The following FSIP1 variants were observed in gnomAD, a reference collection of about 807,000 sequenced individuals.
FSIP1 encodes fibrous sheath interacting protein 1.
In FSIP1, 65 loss-of-function variants were observed where a neutral mutation model predicts 60.9. That is an observed-to-expected ratio of 1.07 (90% confidence interval 0.87 to 1.31). The LOEUF is 1.31. FSIP1 is among the 40% of genes most tolerant of loss of function. FSIP1 has a pLI of 0.00. For missense variants in FSIP1, 675 were observed against 665.5 expected (o/e 1.01, Z -0.16); for synonymous variants, 209 against 221.2 (o/e 0.94, Z 0.49).
At position 39,674,118 on chromosome 15, in the gene FSIP1, G is replaced by A. The variant is rs566429737; in HGVS notation, c.1188+39326C>T. On this transcript the variant is annotated intron_variant, in intron 10 of 11. Coordinates refer to ENST00000350221, the MANE Select transcript of FSIP1 (RefSeq NM_152597.5). ...CGCCCAGGCTGGAGTGCAGTGGCGCGATCTCGGCTCACTGCAAGCTCCGCC... is the reference window on the plus strand; with the variant it reads ...CGCCCAGGCTGGAGTGCAGTGGCGCAATCTCGGCTCACTGCAAGCTCCGCC... Among the ~76,000 whole-genome samples the A allele has an allele frequency of 3.9e-3, 588 of 150,956 alleles. 4 individuals carry two copies. Among genetic ancestry groups the A allele is most frequent in the African/African-American group, 0.014 (560 of 41,012 alleles).
At chr15:39,711,835 C>T (rs1000240769) in intron 10 of FSIP1, among the ~76,000 whole-genome samples, 3 of 152,054 alleles carry the variant, frequency 2.0e-5, no homozygotes, top group African/African-American at 4.8e-5. Flanking sequence ...CGGGCGCACA[C>T]TGCCAAGCCC....
intron 9 of FSIP1, among the ~76,000 whole-genome samples, 183 bp from the exon 10 acceptor site, chr15:39,713,764 A>T (rs1895625280): frequency 1.3e-5 from 2 of 152,232 alleles, no homozygotes; most frequent in Admixed American, 1.3e-4. Context: ...CCAACTGTAC[A>T]TATAACAAGT....
intron 10 of FSIP1, among the ~76,000 whole-genome samples, chr15:39,632,829 C>A (rs994953405): frequency 6.6e-6 from 1 of 151,980 alleles, no homozygotes; most frequent in Admixed American, 6.6e-5. Context: ...GGAAGTCAGA[C>A]AAAATAATGA....
chr15:39,781,574 T>C (rs983654831), intron 1 of FSIP1, among the ~76,000 whole-genome samples: 3 of 152,132 alleles, frequency 2.0e-5, no homozygotes, highest in Admixed American at 1.3e-4. Context: ...CATCCAAATA[T>C]GCCTCAAGTA....
intron 3 of FSIP1, among the ~76,000 whole-genome samples, chr15:39,768,585 T>G (rs1359768363): frequency 1.3e-5 from 2 of 152,210 alleles, no homozygotes; most frequent in Admixed American, 1.3e-4. Context: ...GACAGGTGGA[T>G]TCTCATATTC....
chr15:39,692,033 CA>C (rs1461093679), intron 10 of FSIP1, among the ~76,000 whole-genome samples: 1 of 149,626 alleles, frequency 6.7e-6, no homozygotes, highest in Non-Finnish European at 1.5e-5. Flanking sequence ...TTAAGTGCTG[CA>C]AAAGGATTAT....
chr15:39,643,664 T>C (rs995554412), intron 10 of FSIP1, among the ~76,000 whole-genome samples: 6 of 152,192 alleles, frequency 3.9e-5, no homozygotes, highest in Admixed American at 2.0e-4. Context: ...TCTGGGGAAA[T>C]TGAGACAATG....
chr15:39,668,503 G>A (rs1261377793), intron 10 of FSIP1, among the ~76,000 whole-genome samples: 2 of 152,196 alleles, frequency 1.3e-5, no homozygotes, highest in African/African-American at 4.8e-5. Context: ...GCATTTTGCA[G>A]CTTGACTTCT....
chr15:39,736,822 G>A (rs1896626290), intron 8 of FSIP1, among the ~76,000 whole-genome samples: 1 of 152,200 alleles, frequency 6.6e-6, no homozygotes, highest in African/African-American at 2.4e-5. Flanking sequence ...TGTGGTCTCA[G>A]CTGAAGCTCA....
rs113454780 is a variant in FSIP1 at position 39,764,515 on chromosome 15, G to A, written c.466-601C>T. On this transcript the variant is annotated intron_variant, in intron 4 of 11. Transcript: ENST00000350221. ...CCCAGAAGTCAGTCAACTGTTCAAG[G>A]AGGACTTTATCAAAAATAACCAATC... Among the ~76,000 whole-genome samples, 1,049 of 152,230 alleles carry A rather than the reference G, an allele frequency of 6.9e-3. 8 individuals are homozygous for A. The highest frequency in any genetic ancestry group is 0.011 in the Non-Finnish European group (717 of 68,020).
intron 9 of FSIP1, among the ~76,000 whole-genome samples, chr15:39,713,985 T>C (rs905918709): frequency 6.6e-6 from 1 of 152,184 alleles, no homozygotes; most frequent in Admixed American, 6.5e-5. Context: ...AGCTGTGTAA[T>C]AATGGGAAGA....
chr15:39,692,072 T>G (rs1444419656), intron 10 of FSIP1, among the ~76,000 whole-genome samples: 2 of 152,200 alleles, frequency 1.3e-5, no homozygotes, highest in Non-Finnish European at 2.9e-5. Context: ...AAAAAAATTT[T>G]TAATGCTGAT....
chr15:39,623,294 A>G (rs930137689), intron 10 of FSIP1, among the ~76,000 whole-genome samples: 1 of 152,196 alleles, frequency 6.6e-6, no homozygotes, highest in Non-Finnish European at 1.5e-5. Context: ...GGTGCAGATA[A>G]TCAGAAAGTC....
At chr15:39,702,745 CTTAA>C (rs1392669914) in intron 10 of FSIP1, among the ~76,000 whole-genome samples, 1 of 151,158 alleles carries the variant, frequency 6.6e-6, no homozygotes, top group Non-Finnish European at 1.5e-5. Context: ...TATAATTATA[CTTAA>C]TTATATTCAC....
intron 10 of FSIP1, among the ~76,000 whole-genome samples, chr15:39,664,099 C>T (rs1386424854): frequency 6.6e-6 from 1 of 152,148 alleles, no homozygotes; most frequent in Non-Finnish European, 1.5e-5. Flanking sequence ...ATTTAGACAG[C>T]ACTGGCAAGA....
chr15:39,673,307 C>T (rs184065528), intron 10 of FSIP1, among the ~76,000 whole-genome samples: 64 of 152,070 alleles, frequency 4.2e-4, no homozygotes, highest in African/African-American at 1.5e-3. Flanking sequence ...ATCCTTAGTT[C>T]GTAACACATA....
At chr15:39,604,350 CAACAG>C (rs773204067) in intron 11 of FSIP1, among the ~76,000 whole-genome samples, 1 of 152,184 alleles carries the variant, frequency 6.6e-6, no homozygotes, top group Non-Finnish European at 1.5e-5. Flanking sequence ...TTGAATGAAG[CAACAG>C]AACCAGAAGT....
At chr15:39,708,225 A>G (rs901773839) in intron 10 of FSIP1, among the ~76,000 whole-genome samples, 2 of 152,190 alleles carry the variant, frequency 1.3e-5, no homozygotes, top group Admixed American at 1.3e-4. Context: ...ACTCCCTGAC[A>G]TGTGAAAAGA....
intron 3 of FSIP1, among the ~76,000 whole-genome samples, chr15:39,768,231 T>C (rs938763191): frequency 1.3e-5 from 2 of 152,214 alleles, no homozygotes; most frequent in Non-Finnish European, 2.9e-5. Context: ...CCACTTTGTT[T>C]CCTGAAAACC....
Sources: gnomAD v4.1 joint callset for allele counts (sites outside exome capture counted in the v4.1 genomes callset) on GRCh38, gnomAD v4.1.1 for gene constraint, MANE v1.5 for transcripts, NCBI Gene and HGNC (gene_info 2026-07-23, HGNC 2026-07-21) for gene names.